Variants in SLC35A3 observed in about 807,000 individuals in gnomAD.
The protein encoded by SLC35A3 is solute carrier family 35 member A3, also known as UDP-N-acetylglucosamine transporter.
Under a neutral mutation model 39.0 loss-of-function variants are expected in SLC35A3, and 26 were observed. The ratio of observed to expected loss-of-function variants is 0.67; its 90% confidence interval spans 0.49 to 0.92. The LOEUF is 0.92. Among genes scored for constraint, SLC35A3 ranks in the 40% least tolerant of loss-of-function variants. SLC35A3 has a pLI of 0.00. For missense variants in SLC35A3, 299 were observed against 371.6 expected (o/e 0.80, Z 1.61); for synonymous variants, 135 against 133.1 (o/e 1.01, Z -0.10).
intron 7 of SLC35A3, among the ~76,000 whole-genome samples, chr1:100,018,661 C>T (rs768637433): frequency 6.6e-6 from 1 of 152,130 alleles, no homozygotes; most frequent in South Asian, 2.1e-4. Context: ...TCACAGGTAG[C>T]TGGGACTACA....
intron 1 of SLC35A3, chr1:99,970,507 G>T: frequency 1.3e-6 from 2 of 1,497,666 alleles, no homozygotes; most frequent in Non-Finnish European, 1.8e-6. Flanking sequence ...GGGCCCGGCT[G>T]GGGCCCGTCA....
At chr1:99,970,459 T>A (rs750545880) in intron 1 of SLC35A3, 1 of 964,554 alleles carries the variant, frequency 1.0e-6, no homozygotes, top group East Asian at 2.6e-5. Flanking sequence ...CGGCAGTGTG[T>A]GCCTCAGCGC....
At chr1:99,983,268 C>T (rs992176190) in intron 1 of SLC35A3, among the ~76,000 whole-genome samples, 1 of 151,830 alleles carries the variant, frequency 6.6e-6, no homozygotes, top group Non-Finnish European at 1.5e-5. Flanking sequence ...GGGCCAGGCG[C>T]GGTGGCTCAT....
chr1:99,997,624 T>G (rs892955361), intron 2 of SLC35A3, among the ~76,000 whole-genome samples: 8 of 150,090 alleles, frequency 5.3e-5, no homozygotes, highest in Middle Eastern at 3.2e-3. Flanking sequence ...TTGCAGAAAT[T>G]TTTAAAGCCT....
chr1:99,995,958 A>C lies in SLC35A3; in HGVS notation c.187+2217A>C, dbSNP rs1658377493. ...TGCTGCTAAGGTATAGATGAGCAGA[A>C]GTATTCACTGCATTTAACATTGTGG... On this transcript the variant is annotated intron_variant, in intron 2 of 7. Transcript: ENST00000533028. Among the ~76,000 whole-genome samples the C allele has an allele frequency of 3.3e-5, 5 of 152,256 alleles. No individual in the cohort carries two copies. In the South Asian group the frequency reaches 1.0e-3, roughly 31 times the overall value.
rs146064708 is a variant in SLC35A3 at position 99,989,763 on chromosome 1, T to G, written c.-18-3774T>G. On this transcript the variant is annotated intron_variant, in intron 1 of 7. Transcript: ENST00000533028. ...TATCTTTGGAAGAGCAGTCTTTAAT[T>G]TATTATTGTTTTATTTTATTGAGGC... Among the ~76,000 whole-genome samples the G allele has an allele frequency of 5.8e-3, 876 of 152,220 alleles. 7 individuals are homozygous for G. Among genetic ancestry groups the G allele is most frequent in the African/African-American group, 0.02 (847 of 41,538 alleles).
rs1661272167 is a variant in SLC35A3 at position 100,031,995 on chromosome 1, A to G, written c.*9519A>G. On this transcript the variant is annotated 3_prime_UTR_variant, in exon 8 of 8. Transcript: ENST00000533028. ...CCTTTATTCCTTTCATGTCCTTTGA[A>G]CTGGAAGTCAAGTCTATAGGTTTGA... The G allele has an allele frequency of 6.6e-6, 1 of 152,202 alleles. No individual in the cohort carries two copies. The highest frequency in any genetic ancestry group is 1.5e-5 in the Non-Finnish European group (1 of 68,044). The allele number at this position is 152,202 out of a possible 1,614,324, so 9.4% of individuals were successfully genotyped here.
chr1:100,007,000 C>T (rs374331207), intron 3 of SLC35A3, 34 bp from the exon 4 acceptor site: 308 of 1,563,142 alleles, frequency 2.0e-4, no homozygotes, highest in Non-Finnish European at 2.5e-4. Context: ...AACAAACAAA[C>T]GAACATTAAT....
chr1:99,979,725 C>T (rs935453108), intron 1 of SLC35A3, among the ~76,000 whole-genome samples: 1 of 150,924 alleles, frequency 6.6e-6, no homozygotes, highest in African/African-American at 2.4e-5. Context: ...TGAGCCACCG[C>T]GCCTGGCCTC....
Position 99,989,441 on chromosome 1 carries a change from G to C in SLC35A3, c.-18-4096G>C, listed in dbSNP as rs139410916. ...TGGGATTACAGGCACCTGCAAGCAT[G>C]CCTGGCTAATTTTTGTATTTTTAGT... On this transcript the variant is annotated intron_variant, in intron 1 of 7. Transcript: ENST00000533028. Among the ~76,000 whole-genome samples, 340 of 151,846 alleles carry C rather than the reference G, an allele frequency of 2.2e-3. 8 individuals carry two copies. Among genetic ancestry groups the C allele is most frequent in the Non-Finnish European group, 3.1e-4 (21 of 67,912 alleles).
intron 1 of SLC35A3, among the ~76,000 whole-genome samples, chr1:99,984,951 A>G (rs1358254417): frequency 1.3e-5 from 2 of 151,458 alleles, no homozygotes; most frequent in Non-Finnish European, 2.9e-5. Context: ...TTTCTTGCTG[A>G]TTTGCTTGAG....
chr1:100,004,233 A>G (rs1208769154), intron 3 of SLC35A3, among the ~76,000 whole-genome samples: 1 of 152,146 alleles, frequency 6.6e-6, no homozygotes, highest in Admixed American at 6.6e-5. Flanking sequence ...CTGGTTTTCC[A>G]GTGAGTTTTA....
At position 100,024,715 on chromosome 1, in the gene SLC35A3, T is replaced by G. The variant is rs1480040432; in HGVS notation, c.*2239T>G. 5.1e-6 allele frequency: 2 copies of G among 392,718 alleles called. No homozygotes were observed. Among genetic ancestry groups the G allele is most frequent in the East Asian group, 7.2e-5 (2 of 27,616 alleles). 24.3% of individuals were successfully genotyped at this position (392,718 alleles called of 1,614,324 possible). A position where few individuals can be genotyped will look rare whatever the true frequency, so the allele number is the denominator to read the frequency against. ...CTTACTGCAACCTCCCACTCCCTGG[T>G]TCAAGGGATTCTCCTGCCTCAGCCT... On this transcript the variant is annotated 3_prime_UTR_variant, in exon 8 of 8. Coordinates refer to ENST00000533028, the MANE Select transcript of SLC35A3 (RefSeq NM_012243.3).
chr1:100,029,854 T>C lies in SLC35A3; in HGVS notation c.*7378T>C, dbSNP rs1376498446. The stretch of plus-strand genomic sequence containing the variant: ...TCAGATATTGTGTTAAGAACATATA[T>C]ATATATATAGAGAGAGAGAGAGCAT... On this transcript the variant is annotated 3_prime_UTR_variant, in exon 8 of 8. Transcript: ENST00000533028. 1 of 152,152 alleles carries C rather than the reference T, an allele frequency of 6.6e-6. No individual in the cohort carries two copies. Among genetic ancestry groups the C allele is most frequent in the East Asian group, 1.9e-4 (1 of 5,186 alleles). 9.4% of individuals were successfully genotyped at this position (152,152 alleles called of 1,614,324 possible). A position where few individuals can be genotyped will look rare whatever the true frequency, so the allele number is the denominator to read the frequency against.
chr1:100,022,348 T>C, intron 7 of SLC35A3, 38 bp from the exon 8 acceptor site: 3 of 1,122,612 alleles, frequency 2.7e-6, no homozygotes, highest in Non-Finnish European at 4.0e-6. Flanking sequence ...GCTTTTAATC[T>C]GATTTTCTCT....
rs890964800 is a variant in SLC35A3 at position 100,020,197 on chromosome 1, AT to A, written c.888-2178del. On this transcript the variant is annotated intron_variant, in intron 7 of 7. Coordinates refer to ENST00000533028, the MANE Select transcript of SLC35A3 (RefSeq NM_012243.3). ...ATTACATTCTGATAGTTTTATCCTA[AT>A]TTTTTTTTTTCTGAGACAACTTTCT... Among the ~76,000 whole-genome samples, 88 of 149,520 alleles carry A rather than the reference AT, an allele frequency of 5.9e-4. 1 individual carries two copies. Among genetic ancestry groups the A allele is most frequent in the African/African-American group, 1.9e-3 (78 of 40,942 alleles).
chr1:100,030,361 G>C lies in SLC35A3; in HGVS notation c.*7885G>C, dbSNP rs186628330. The C allele has an allele frequency of 6.6e-6, 1 of 152,326 alleles. No homozygotes were observed. The highest frequency in any genetic ancestry group is 1.9e-4 in the East Asian group (1 of 5,192). The allele number at this position is 152,326 out of a possible 1,614,324, so 9.4% of individuals were successfully genotyped here. A position where few individuals can be genotyped will look rare whatever the true frequency, so the allele number is the denominator to read the frequency against. Reference sequence around the variant, plus strand: ...TTAGTGATAATCACTGAAAATTCACGTTAAAATATACTTTAAGCTTGTCCA... The same window carrying C: ...TTAGTGATAATCACTGAAAATTCACCTTAAAATATACTTTAAGCTTGTCCA... On this transcript the variant is annotated 3_prime_UTR_variant, in exon 8 of 8. Coordinates refer to ENST00000533028, the MANE Select transcript of SLC35A3 (RefSeq NM_012243.3).
rs926533291 is a variant in SLC35A3, at chr1:100,026,643, A to G, written c.*4167A>G. On this transcript the variant is annotated 3_prime_UTR_variant, in exon 8 of 8. Coordinates refer to ENST00000533028, the MANE Select transcript of SLC35A3 (RefSeq NM_012243.3). The stretch of plus-strand genomic sequence containing the variant: ...AAATAAATTGTGATACTATTGCTCC[A>G]TCATTGAACTTTTTGAAACTTTAAC... 1 of 152,246 alleles carries G rather than the reference A, an allele frequency of 6.6e-6. No individual in the cohort carries two copies. The highest frequency in any genetic ancestry group is 1.5e-5 in the Non-Finnish European group (1 of 68,026). 9.4% of individuals were successfully genotyped at this position (152,246 alleles called of 1,614,324 possible).
intron 2 of SLC35A3, among the ~76,000 whole-genome samples, chr1:99,994,939 C>G (rs1658294346): frequency 6.6e-6 from 1 of 152,150 alleles, no homozygotes; most frequent in African/African-American, 2.4e-5. Flanking sequence ...ATGAAGGTTC[C>G]TGTTTCTTCA....
Sources: allele counts gnomAD v4.1 joint callset (sites outside exome capture counted in the v4.1 genomes callset), GRCh38; gene constraint gnomAD v4.1.1; transcripts MANE v1.5; gene names NCBI Gene and HGNC (gene_info 2026-07-23, HGNC 2026-07-21).